Variants in ZSWIM5 observed in about 807,000 individuals in gnomAD.
ZSWIM5 encodes the protein zinc finger SWIM domain-containing protein 5.
A neutral mutation model predicts 119.6 loss-of-function variants in ZSWIM5; 55 were observed. The observed-to-expected ratio is 0.46, with a 90% confidence interval of 0.37 to 0.58. ZSWIM5 has a LOEUF of 0.58. Ranked by LOEUF, ZSWIM5 falls within the 20% of genes least tolerant of loss-of-function variation. The probability of loss-of-function intolerance (pLI) is 0.00; values close to 1 mark genes in which losing one functional copy is unlikely to be tolerated. For synonymous variants in ZSWIM5, 537 were observed against 606.9 expected (o/e 0.88, Z 1.69); for missense variants, 1,193 against 1,512.8 (o/e 0.79, Z 3.51).
At chr1:45,134,180 G>T (rs754849412) in intron 1 of ZSWIM5, among the ~76,000 whole-genome samples, 1 of 152,056 alleles carries the variant, frequency 6.6e-6, no homozygotes. Context: ...TGATGGCATT[G>T]AATCTATAAA....
intron 2 of ZSWIM5, among the ~76,000 whole-genome samples, chr1:45,065,373 G>A (rs947319727): frequency 2.6e-5 from 4 of 152,088 alleles, no homozygotes; most frequent in East Asian, 1.9e-4. Flanking sequence ...TAGGGCAGTC[G>A]GCCTTAAACA....
intron 2 of ZSWIM5, among the ~76,000 whole-genome samples, chr1:45,079,301 T>A (rs1645274685): frequency 6.6e-6 from 1 of 152,198 alleles, no homozygotes; most frequent in African/African-American, 2.4e-5. Context: ...ATAAACAGCC[T>A]TGTTGCTTAC....
At chr1:45,164,956 C>A (rs1227752276) in intron 1 of ZSWIM5, among the ~76,000 whole-genome samples, 7 of 152,068 alleles carry the variant, frequency 4.6e-5, no homozygotes, top group African/African-American at 7.2e-5. Context: ...CAGCTCTGCA[C>A]CAAGCAGACC....
chr1:45,133,236 G>T (rs1342496566), intron 1 of ZSWIM5, among the ~76,000 whole-genome samples: 12 of 152,250 alleles, frequency 7.9e-5, no homozygotes, highest in Middle Eastern at 6.8e-3. Flanking sequence ...ACCAACAGTG[G>T]AAAAGTGTTC....
At chr1:45,144,489 T>G (rs998146926) in intron 1 of ZSWIM5, among the ~76,000 whole-genome samples, 5 of 152,088 alleles carry the variant, frequency 3.3e-5, no homozygotes, top group Non-Finnish European at 7.4e-5. Flanking sequence ...TGAGCTATGA[T>G]CGTGCTACTG....
chr1:45,036,319 A>C lies in ZSWIM5; in HGVS notation c.1895-20T>G. 3 of 1,601,588 alleles carry C rather than the reference A, an allele frequency of 1.9e-6. No individual in the cohort carries two copies. Among genetic ancestry groups the C allele is most frequent in the Non-Finnish European group, 2.6e-6 (3 of 1,174,420 alleles). On this transcript the variant is annotated intron_variant, in intron 8 of 13. Coordinates refer to ENST00000359600, the MANE Select transcript of ZSWIM5 (RefSeq NM_020883.2). ...TCATATCTGAGGGCAACAGGGCACC[A>C]AATTCTTTAGGTTAGGCTTGGTAGA...
In ZSWIM5 at chr1:45,024,666, A is replaced by T. The variant is rs542844514; in HGVS notation, c.2450-3878T>A. 4.4e-3 allele frequency among the ~76,000 whole-genome samples: 654 copies of T among 149,172 alleles called. 6 individuals carry two copies. The highest frequency in any genetic ancestry group is 0.015 in the African/African-American group (610 of 40,470). ...AATTATTATTATTATTTATTTATTT[A>T]TTTTTTGAGACCAAGTCTCACTCTG... On this transcript the variant is annotated intron_variant, in intron 11 of 13. Transcript: ENST00000359600.
intron 1 of ZSWIM5, among the ~76,000 whole-genome samples, chr1:45,179,654 C>T (rs1646003730): frequency 6.6e-6 from 1 of 152,060 alleles, no homozygotes; most frequent in Non-Finnish European, 1.5e-5. Flanking sequence ...AAATTAAGAT[C>T]CAATAAATGG....
chr1:45,159,260 T>C (rs902622886), intron 1 of ZSWIM5, among the ~76,000 whole-genome samples: 3 of 152,142 alleles, frequency 2.0e-5, no homozygotes, highest in African/African-American at 7.2e-5. Flanking sequence ...TATTGCTTTC[T>C]GTTCCCATAT....
intron 1 of ZSWIM5, among the ~76,000 whole-genome samples, chr1:45,114,391 A>T (rs1453198220): frequency 6.6e-6 from 1 of 152,226 alleles, no homozygotes; most frequent in Non-Finnish European, 1.5e-5. Context: ...GAGATGAAGG[A>T]CATTTTATAA....
At chr1:45,191,165 C>T (rs1283659595) in intron 1 of ZSWIM5, among the ~76,000 whole-genome samples, 1 of 151,176 alleles carries the variant, frequency 6.6e-6, no homozygotes, top group Non-Finnish European at 1.5e-5. Flanking sequence ...CTTATCCTGA[C>T]CTCGTGATCC....
chr1:45,065,836 T>G lies in ZSWIM5; in HGVS notation c.953-5589A>C, dbSNP rs746097671. ...GAGAATGAACTGGCAAGAGACCCCA[T>G]GGAGAATTTTCTTTTTTTTTAATTC... On this transcript the variant is annotated intron_variant, in intron 2 of 13. Coordinates refer to ENST00000359600, the MANE Select transcript of ZSWIM5 (RefSeq NM_020883.2). Among the ~76,000 whole-genome samples, 163 of 151,976 alleles carry G rather than the reference T, an allele frequency of 1.1e-3. 1 individual carries two copies. Among genetic ancestry groups the G allele is most frequent in the Non-Finnish European group, 1.4e-3 (94 of 68,020 alleles).
chr1:45,098,405 G>C lies in ZSWIM5; in HGVS notation c.596-10168C>G, dbSNP rs549110253. 1.6e-3 allele frequency among the ~76,000 whole-genome samples: 246 copies of C among 152,184 alleles called. 1 individual carries two copies. The highest frequency in any genetic ancestry group is 3.4e-3 in the Middle Eastern group (1 of 294). ...CAATTTGAGATCATAATAATCTCTT[G>C]CCTGGGTTAACTAATCTTCCTGCCT... On this transcript the variant is annotated intron_variant, in intron 1 of 13. Transcript: ENST00000359600.
At chr1:45,092,172 G>A (rs1645369704) in intron 1 of ZSWIM5, among the ~76,000 whole-genome samples, 1 of 152,132 alleles carries the variant, frequency 6.6e-6, no homozygotes, top group Non-Finnish European at 1.5e-5. Context: ...CTTTTACTTA[G>A]CCTTTATGAG....
At chr1:45,179,864 C>T (rs1646004483) in intron 1 of ZSWIM5, among the ~76,000 whole-genome samples, 1 of 152,166 alleles carries the variant, frequency 6.6e-6, no homozygotes. Context: ...TCACATAGTC[C>T]TTATAAGAGG....
chr1:45,048,712 T>C (rs542260955), intron 5 of ZSWIM5, among the ~76,000 whole-genome samples: 1 of 152,252 alleles, frequency 6.6e-6, no homozygotes, highest in East Asian at 1.9e-4. Context: ...GGTATGATTT[T>C]GAGGTTGAAT....
intron 1 of ZSWIM5, among the ~76,000 whole-genome samples, chr1:45,175,000 T>C (rs563288612): frequency 6.6e-6 from 1 of 152,220 alleles, no homozygotes; most frequent in South Asian, 2.1e-4. Context: ...CATTCAACTG[T>C]TGCCAATTGC....
intron 1 of ZSWIM5, among the ~76,000 whole-genome samples, chr1:45,099,454 G>A (rs1420313367): frequency 3.9e-5 from 6 of 152,094 alleles, no homozygotes; most frequent in Admixed American, 6.6e-5. Context: ...ATTCACAGCC[G>A]AACTCTACCA....
intron 1 of ZSWIM5, among the ~76,000 whole-genome samples, chr1:45,167,155 C>T (rs1020684273): frequency 1.3e-5 from 2 of 151,810 alleles, no homozygotes; most frequent in Non-Finnish European, 2.9e-5. Context: ...ACAGAGCCCT[C>T]GGAAATAATA....
Sources: allele counts gnomAD v4.1 joint callset (sites outside exome capture counted in the v4.1 genomes callset), GRCh38; gene constraint gnomAD v4.1.1; transcripts MANE v1.5; gene names NCBI Gene and HGNC (gene_info 2026-07-23, HGNC 2026-07-21).